The following SEC23IP variants were observed in gnomAD, a reference collection of about 807,000 sequenced individuals.
SEC23IP encodes SEC23-interacting protein.
In SEC23IP, 70 loss-of-function variants were observed where a neutral mutation model predicts 113.4. That is an observed-to-expected ratio of 0.62 (90% CI 0.51 to 0.75). The LOEUF (loss-of-function observed/expected upper bound fraction) is 0.75. Ranked by LOEUF, SEC23IP falls within the 30% of genes least tolerant of loss-of-function variation. The pLI is 0.00. For synonymous variants in SEC23IP, 398 were observed against 421.0 expected (o/e 0.95, Z 0.67); for missense variants, 1,160 against 1,204.9 (o/e 0.96, Z 0.55).
At chr10:119,900,006 C>A (rs912109122) in intron 2 of SEC23IP, among the ~76,000 whole-genome samples, 1 of 151,880 alleles carries the variant, frequency 6.6e-6, no homozygotes, top group African/African-American at 2.4e-5. Flanking sequence ...CCCCTTCCTC[C>A]TGCTTCTCCT....
At chr10:119,929,448 A>G (rs572210156) in intron 13 of SEC23IP, among the ~76,000 whole-genome samples, 159 bp from the exon 14 acceptor site, 2 of 152,202 alleles carry the variant, frequency 1.3e-5, no homozygotes, top group East Asian at 1.9e-4. Flanking sequence ...GTTAGCCAGG[A>G]TGGTCTCGAT....
chr10:119,901,623 T>C (rs922614553), intron 2 of SEC23IP, among the ~76,000 whole-genome samples: 1 of 152,226 alleles, frequency 6.6e-6, no homozygotes, highest in African/African-American at 2.4e-5. Flanking sequence ...TTTTGACAGT[T>C]GTACACACCA....
At position 119,918,044 on chromosome 10, in the gene SEC23IP, G is replaced by GGTAA; in HGVS notation, c.1753+1_1753+4dup. 1 of 1,609,018 alleles carries GGTAA rather than the reference G, an allele frequency of 6.2e-7. No individual in the cohort carries two copies. The highest frequency in any genetic ancestry group is 8.5e-7 in the Non-Finnish European group (1 of 1,176,326). ...TGTCTCTGTTGCTGGTCACAGTTTA[G>GGTAA]GTAAAACTGTCAAATATTCACATTT... On this transcript the variant is annotated frameshift_variant and splice_region_variant. Coordinates refer to ENST00000369075, the MANE Select transcript of SEC23IP (RefSeq NM_007190.4). LOFTEE classifies it high-confidence loss of function.
chr10:119,924,448 TC>T lies in SEC23IP; in HGVS notation c.2122-1585del, dbSNP rs1367161241. On this transcript the variant is annotated intron_variant, in intron 12 of 18. Transcript: ENST00000369075. ...CACCTTTTTTTTTTTTGAGACGGAG[TC>T]CCGCTCTGTTGCTCAGGCTGGAATG... Among the ~76,000 whole-genome samples the T allele has an allele frequency of 3.3e-5, 5 of 151,686 alleles. No homozygotes were observed. In the South Asian group the frequency reaches 1.0e-3, roughly 32 times the overall value.
Position 119,909,226 on chromosome 10 carries a change from T to C in SEC23IP, c.1191+96T>C, listed in dbSNP as rs760920788. The C allele has an allele frequency of 6.1e-5, 45 of 739,092 alleles. No homozygotes were observed. The Middle Eastern group carries it at 1.4e-3, about 23-fold the overall frequency. The allele number at this position is 739,092 out of a possible 1,614,324, so 45.8% of individuals were successfully genotyped here. ...TGTTCATTTTTAGTAACTTCTACAG[T>C]GGGAATGTTTTTGTAACAAGTGCAT... On this transcript the variant is annotated intron_variant, in intron 5 of 18. Transcript: ENST00000369075.
intron 10 of SEC23IP, 90 bp from the exon 11 acceptor site, chr10:119,919,354 C>T (rs930848952): frequency 5.7e-6 from 7 of 1,235,162 alleles, no homozygotes; most frequent in South Asian, 1.5e-5. Context: ...CTGTGTAAAG[C>T]AAAATTGTTT....
chr10:119,918,162 G>C, intron 9 of SEC23IP, 118 bp downstream of exon 9: 1 of 881,314 alleles, frequency 1.1e-6, no homozygotes, highest in South Asian at 1.7e-5. Flanking sequence ...TTTCAGAAAA[G>C]GTAGAAATGA....
At chr10:119,903,897 T>G (rs1312317023) in intron 3 of SEC23IP, among the ~76,000 whole-genome samples, 187 bp from the exon 4 acceptor site, 1 of 152,134 alleles carries the variant, frequency 6.6e-6, no homozygotes, top group African/African-American at 2.4e-5. Context: ...ATTGTTGTAT[T>G]TTTAGTAGAC....
In SEC23IP at chr10:119,892,913, C is replaced by T. The variant is rs533246025; in HGVS notation, c.131C>T (p.Ser44Phe). 6.2e-7 allele frequency: 1 copy of T among 1,613,368 alleles called. No homozygotes were observed. Among genetic ancestry groups the T allele is most frequent in the Admixed American group, 1.7e-5 (1 of 59,916 alleles). Residue 44 changes from serine (S) to phenylalanine (F), a missense_variant, in exon 1 of 19, where the codon TCC (serine) becomes TTC (phenylalanine). Coordinates refer to ENST00000369075, the MANE Select transcript of SEC23IP (RefSeq NM_007190.4). ...NVPFIPVTQA[S>F]ASPASLLLPG... is the part of the protein sequence containing the mutation. The stretch of plus-strand genomic sequence containing the variant: ...CCCTTCATCCCAGTCACCCAGGCCT[C>T]CGCTTCTCCGGCCTCCCTGCTCTTA...
intron 12 of SEC23IP, among the ~76,000 whole-genome samples, chr10:119,925,202 A>G (rs1855379845): frequency 6.6e-6 from 1 of 152,184 alleles, no homozygotes; most frequent in African/African-American, 2.4e-5. Context: ...TTTCTGTTTC[A>G]TGAGAGAGCT....
At chr10:119,901,014 T>TTTC (rs1191228927) in intron 2 of SEC23IP, among the ~76,000 whole-genome samples, 1 of 143,840 alleles carries the variant, frequency 7.0e-6, no homozygotes, top group South Asian at 2.2e-4. Flanking sequence ...TTTTTTTCTT[T>TTTC]TTCTTCTTCT....
chr10:119,899,943 G>A (rs1854420158), intron 2 of SEC23IP, among the ~76,000 whole-genome samples: 1 of 152,030 alleles, frequency 6.6e-6, no homozygotes, highest in African/African-American at 2.4e-5. Flanking sequence ...ATTTGTGCAT[G>A]TGCACACCCT....
At chr10:119,915,724 C>G (rs1855027443) in intron 7 of SEC23IP, 24 bp from the exon 8 acceptor site, 2 of 1,455,018 alleles carry the variant, frequency 1.4e-6, no homozygotes, top group African/African-American at 1.4e-5. Context: ...AATTTATTTT[C>G]TCTTTTTTTT....
intron 2 of SEC23IP, among the ~76,000 whole-genome samples, chr10:119,900,454 CA>C (rs1480043766): frequency 6.6e-6 from 1 of 151,870 alleles, no homozygotes; most frequent in Admixed American, 6.6e-5. Context: ...GGACCACAGG[CA>C]CATGCTGCCA....
chr10:119,934,863 A>G (rs775524227), intron 18 of SEC23IP, among the ~76,000 whole-genome samples: 5 of 152,240 alleles, frequency 3.3e-5, no homozygotes, highest in Non-Finnish European at 7.3e-5. Context: ...TAGGCCAGGC[A>G]TGGTGTCTCA....
At chr10:119,940,115 A>C (rs891868656) in intron 18 of SEC23IP, among the ~76,000 whole-genome samples, 1 of 151,464 alleles carries the variant, frequency 6.6e-6, no homozygotes, top group Non-Finnish European at 1.5e-5. Context: ...AGGCCTGAGG[A>C]CTTGCTTACA....
chr10:119,933,713 A>G lies in SEC23IP; in HGVS notation c.2949A>G (p.Leu983=). 1 of 1,589,606 alleles carries G rather than the reference A, an allele frequency of 6.3e-7. No homozygotes were observed. Among genetic ancestry groups the G allele is most frequent in the Non-Finnish European group, 8.6e-7 (1 of 1,158,066 alleles). ...YWESEDTALL[L]LKEIYRTMNI... ...AATCTGAAGATACTGCTCTGTTACTACTTAAAGAAATTTATCGAACAATGA... is the reference window on the plus strand; with the variant it reads ...AATCTGAAGATACTGCTCTGTTACTGCTTAAAGAAATTTATCGAACAATGA... Residue 983 remains leucine (L), a synonymous_variant, in exon 18 of 19, where the codon CTA becomes CTG. Transcript: ENST00000369075.
At position 119,905,519 on chromosome 10, in the gene SEC23IP, C is replaced by T. The variant is rs146123092; in HGVS notation, c.1101+1242C>T. Among the ~76,000 whole-genome samples, 361 of 152,226 alleles carry T rather than the reference C, an allele frequency of 2.4e-3. 1 individual carries two copies. The highest frequency in any genetic ancestry group is 7.9e-3 in the African/African-American group (328 of 41,538). On this transcript the variant is annotated intron_variant, in intron 4 of 18. Transcript: ENST00000369075. The stretch of plus-strand genomic sequence containing the variant: ...GACCTTAGCTTTTGTTCGGCTTCTT[C>T]CAGGAAACTCAAACCAGATCAGGGA...
Position 119,944,639 on chromosome 10 carries a change from T to G in SEC23IP, c.*4074T>G, listed in dbSNP as rs1363605205. 1 of 152,230 alleles carries G rather than the reference T, an allele frequency of 6.6e-6. No homozygotes were observed. Among genetic ancestry groups the G allele is most frequent in the Non-Finnish European group, 1.5e-5 (1 of 68,050 alleles). The allele number at this position is 152,230 out of a possible 1,614,324, so 9.4% of individuals were successfully genotyped here. ...TGAATGTGTTGAGTGTGATTTTCAT[T>G]AAACAATTTTTAAAGAAAGCATTTC... On this transcript the variant is annotated 3_prime_UTR_variant, in exon 19 of 19. Transcript: ENST00000369075.
Sources: gnomAD v4.1 joint callset for allele counts (sites outside exome capture counted in the v4.1 genomes callset) on GRCh38, gnomAD v4.1.1 for gene constraint, MANE v1.5 for transcripts, NCBI Gene and HGNC (gene_info 2026-07-23, HGNC 2026-07-21) for gene names.